OR56A1: variants seen among roughly 807,000 people sequenced by gnomAD.
OR56A1 encodes olfactory receptor 56A1.
For synonymous variants in OR56A1, 174 were observed against 159.1 expected (o/e 1.09, Z -0.70); for missense variants, 360 against 380.9 (o/e 0.94, Z 0.46).
chr11:6,027,246 G>T lies in OR56A1; in HGVS notation c.447C>A (p.Val149=). 6.2e-7 allele frequency: 1 copy of T among 1,614,184 alleles called. No individual in the cohort carries two copies. Among genetic ancestry groups the T allele is most frequent in the Non-Finnish European group, 8.5e-7 (1 of 1,180,040 alleles). ...ITNQFVAKAS[V]FIVVRNALLT... ...GAAGCGCATTCCGCACCACAATGAA[G>T]ACACTAGCTTTGGCCACAAATTGAT... The change falls in exon 2 of 2, where the codon GTC becomes GTA. Residue 149 remains valine (V), a synonymous_variant. Transcript: ENST00000641900.
In OR56A1 at chr11:6,027,531, C is replaced by T. The variant is rs777077209; in HGVS notation, c.162G>A (p.Leu54=). The part of the protein sequence containing the change: ...ANTTLLITIQ[L]EASLHQPLYY... ...ACAGGGGCTGGTGCAGAGAGGCCTCCAGCTGGATGGTGATCAGGAGGGTGG... is the reference window on the plus strand; with the variant it reads ...ACAGGGGCTGGTGCAGAGAGGCCTCTAGCTGGATGGTGATCAGGAGGGTGG... The change falls in exon 2 of 2, where the codon CTG becomes CTA. Residue 54 remains leucine (L), a synonymous_variant. Transcript: ENST00000641900. The T allele has an allele frequency of 9.9e-6, 16 of 1,613,868 alleles. No homozygotes were observed. Among genetic ancestry groups the T allele is most frequent in the Middle Eastern group, 3.3e-4 (2 of 6,036 alleles).
intron 1 of OR56A1, among the ~76,000 whole-genome samples, chr11:6,030,240 T>C (rs1417315962): frequency 6.6e-6 from 1 of 152,160 alleles, no homozygotes; most frequent in African/African-American, 2.4e-5. Flanking sequence ...ATTCTCTACA[T>C]TGAAATCAAG....
Position 6,026,968 on chromosome 11 carries a change from C to T in OR56A1, c.725G>A (p.Ser242Asn), listed in dbSNP as rs1848455377. ...GAGGATGAAGTGGGAGCCACATGTG[C>T]TCAGGGCCTTCACTGCCGCCCCCTC... ...KAEGAAVKAL[S>N]TCGSHFILIL... Residue 242 changes from serine to asparagine, a missense_variant, in exon 2 of 2, where the codon AGC (serine) becomes AAC (asparagine). Ser to Asn is a conservative substitution (Grantham distance 46, BLOSUM62 1). Transcript: ENST00000641900. 1 of 1,613,964 alleles carries T rather than the reference C, an allele frequency of 6.2e-7. No homozygotes were observed. The highest frequency in any genetic ancestry group is 8.5e-7 in the Non-Finnish European group (1 of 1,179,958).
chr11:6,027,063 C>A lies in OR56A1; in HGVS notation c.630G>T (p.Leu210=), dbSNP rs201778477. Residue 210 remains leucine (L), a synonymous_variant, in exon 2 of 2, where the codon CTG becomes CTT. Coordinates refer to ENST00000641900, the MANE Select transcript of OR56A1 (RefSeq NM_001388488.1). ...GGAAGATGAGGAATAAATCTGAGCC[C>A]AGCAAGGTCCAACCAGCCACAAATT... The part of the protein sequence containing the change: ...IYQFVAGWTL[L]GSDLFLIFLS... 1.4e-5 allele frequency: 22 copies of A among 1,614,164 alleles called. No individual in the cohort carries two copies. The East Asian group carries it at 4.9e-4, about 36-fold the overall frequency.
Position 6,023,629 on chromosome 11 carries a change from T to C in OR56A1, c.*3119A>G, listed in dbSNP as rs1848418368. ...ACCTTTGGAAAGCTACTCCTGTCTC[T>C]CTTCTCATGTTCTGAATGCACCCTC... On this transcript the variant is annotated 3_prime_UTR_variant, in exon 2 of 2. Transcript: ENST00000641900. 1 of 152,182 alleles carries C rather than the reference T, an allele frequency of 6.6e-6. No individual in the cohort carries two copies. Among genetic ancestry groups the C allele is most frequent in the Non-Finnish European group, 1.5e-5 (1 of 68,016 alleles). 9.4% of individuals were successfully genotyped at this position (152,182 alleles called of 1,614,324 possible). A position where few individuals can be genotyped will look rare whatever the true frequency, so the allele number is the denominator to read the frequency against.
chr11:6,028,258 C>T (rs895374779), intron 1 of OR56A1, among the ~76,000 whole-genome samples: 27 of 151,370 alleles, frequency 1.8e-4, no homozygotes. Flanking sequence ...ATTCATTTCC[C>T]ACAACCTGAG....
chr11:6,030,410 A>G (rs1247102221), intron 1 of OR56A1, among the ~76,000 whole-genome samples: 2 of 152,086 alleles, frequency 1.3e-5, no homozygotes, highest in African/African-American at 2.4e-5. Flanking sequence ...TATCATCACT[A>G]TATAAACAGG....
Position 6,026,541 on chromosome 11 carries a change from A to C in OR56A1, c.*207T>G. ...CTTAAATGTAACTGCCAAGGTTCAA[A>C]GCAGCCACTCAATAAATACGAGTTT... is the stretch of plus-strand genomic sequence containing the variant. On this transcript the variant is annotated 3_prime_UTR_variant, in exon 2 of 2. Transcript: ENST00000641900. 1 of 520,508 alleles carries C rather than the reference A, an allele frequency of 1.9e-6. No homozygotes were observed. The highest frequency in any genetic ancestry group is 3.4e-6 in the Non-Finnish European group (1 of 297,718). 32.2% of individuals were successfully genotyped at this position (520,508 alleles called of 1,614,324 possible). A position where few individuals can be genotyped will look rare whatever the true frequency, so the allele number is the denominator to read the frequency against.
At chr11:6,028,088 C>A (rs35627191) in intron 1 of OR56A1, among the ~76,000 whole-genome samples, 40,531 of 151,858 alleles carry the variant, frequency 0.27, 6,787 homozygotes, top group East Asian at 0.68. Flanking sequence ...AGAAAAATAG[C>A]TTTAATTAGG....
chr11:6,027,028 G>C lies in OR56A1; in HGVS notation c.665C>G (p.Thr222Ser), dbSNP rs772462264. Residue 222 changes from threonine to serine, a missense_variant, in exon 2 of 2, where the codon ACC (threonine) becomes AGC (serine). By Grantham distance (58) the Thr-to-Ser change is moderately conservative. Coordinates refer to ENST00000641900, the MANE Select transcript of OR56A1 (RefSeq NM_001388488.1). ...TCTAAGCACAGCTCTTAGAATGAAG[G>C]TGTAAGAGAGGAAGATGAGGAATAA... is the stretch of plus-strand genomic sequence containing the variant. ...SDLFLIFLSY[T>S]FILRAVLRFK... The C allele has an allele frequency of 6.2e-7, 1 of 1,614,124 alleles. No individual in the cohort carries two copies. Among genetic ancestry groups the C allele is most frequent in the Non-Finnish European group, 8.5e-7 (1 of 1,179,968 alleles).
At chr11:6,029,071 T>A (rs1481036510) in intron 1 of OR56A1, among the ~76,000 whole-genome samples, 1 of 152,128 alleles carries the variant, frequency 6.6e-6, no homozygotes, top group Admixed American at 6.6e-5. Flanking sequence ...CTCATAAGTA[T>A]GTGTTCAAAA....
chr11:6,020,471 T>G lies in OR56A1; in HGVS notation c.*6277A>C, dbSNP rs1235185197. The G allele has an allele frequency of 6.6e-6, 1 of 152,100 alleles. No homozygotes were observed. Among genetic ancestry groups the G allele is most frequent in the Non-Finnish European group, 1.5e-5 (1 of 67,964 alleles). The allele number at this position is 152,100 out of a possible 1,614,324, so 9.4% of individuals were successfully genotyped here. Reference sequence around the variant, plus strand: ...GGATGTCTGTCCATTAGTTTGTATCTCCTCTGATTTCTTTGAGCAGTGTTT... The same window carrying G: ...GGATGTCTGTCCATTAGTTTGTATCGCCTCTGATTTCTTTGAGCAGTGTTT... On this transcript the variant is annotated 3_prime_UTR_variant, in exon 2 of 2. Transcript: ENST00000641900.
upstream of OR56A1, among the ~76,000 whole-genome samples, chr11:6,033,227 A>G (rs1848529032): frequency 6.6e-6 from 1 of 152,016 alleles, no homozygotes; most frequent in Non-Finnish European, 1.5e-5. Flanking sequence ...TCACTACTGA[A>G]CATTGGAAAA....
chr11:6,023,785 T>C lies in OR56A1; in HGVS notation c.*2963A>G, dbSNP rs891744044. The C allele has an allele frequency of 6.6e-6, 1 of 152,212 alleles. No homozygotes were observed. The highest frequency in any genetic ancestry group is 6.5e-5 in the Admixed American group (1 of 15,286). The allele number at this position is 152,212 out of a possible 1,614,324, so 9.4% of individuals were successfully genotyped here. The stretch of plus-strand genomic sequence containing the variant: ...AATGCCTTTAATTTATACTACTTCA[T>C]TATATCCACTCAAGACAGTGCTTGA... On this transcript the variant is annotated 3_prime_UTR_variant, in exon 2 of 2. Coordinates refer to ENST00000641900, the MANE Select transcript of OR56A1 (RefSeq NM_001388488.1).
At chr11:6,029,449 C>G (rs1021398039) in intron 1 of OR56A1, among the ~76,000 whole-genome samples, 1 of 152,088 alleles carries the variant, frequency 6.6e-6, no homozygotes, top group Non-Finnish European at 1.5e-5. Context: ...ATGCACAAAC[C>G]TCTCACAAGC....
rs1157218524 is a variant in OR56A1, at chr11:6,027,493, C to G, written c.200G>C (p.Ser67Thr). 1.2e-6 allele frequency: 2 copies of G among 1,613,940 alleles called. No homozygotes were observed. Among genetic ancestry groups the G allele is most frequent in the Non-Finnish European group, 1.7e-6 (2 of 1,179,998 alleles). ...CACGATGTCCAGCAGGGAGAGGAGG[C>G]TGAGCAGGTAGTACAGGGGCTGGTG... is the stretch of plus-strand genomic sequence containing the variant. ...SLHQPLYYLL[S>T]LLSLLDIVLC... Residue 67 changes from serine (S) to threonine (T), a missense_variant, in exon 2 of 2, where the codon AGC (serine) becomes ACC (threonine). Coordinates refer to ENST00000641900, the MANE Select transcript of OR56A1 (RefSeq NM_001388488.1).
At position 6,024,573 on chromosome 11, in the gene OR56A1, TA is replaced by T. The variant is rs1848428403; in HGVS notation, c.*2174del. On this transcript the variant is annotated 3_prime_UTR_variant, in exon 2 of 2. Coordinates refer to ENST00000641900, the MANE Select transcript of OR56A1 (RefSeq NM_001388488.1). ...TATATTCCTATGAATTATATCCTAT[TA>T]GATTCCTTTTTAAAAACTCACTTTT... is the stretch of plus-strand genomic sequence containing the variant. 6.6e-6 allele frequency: 1 copy of T among 152,232 alleles called. No homozygotes were observed. The highest frequency in any genetic ancestry group is 1.5e-5 in the Non-Finnish European group (1 of 68,036). The allele number at this position is 152,232 out of a possible 1,614,324, so 9.4% of individuals were successfully genotyped here. A position where few individuals can be genotyped will look rare whatever the true frequency, so the allele number is the denominator to read the frequency against.
chr11:6,033,950 C>T (rs1848535616), upstream of OR56A1, among the ~76,000 whole-genome samples: 1 of 152,156 alleles, frequency 6.6e-6, no homozygotes, highest in African/African-American at 2.4e-5. Flanking sequence ...ACCCAGCATG[C>T]CTGGCTCTGC....
chr11:6,033,726 C>T (rs974694539), upstream of OR56A1, among the ~76,000 whole-genome samples: 3 of 151,708 alleles, frequency 2.0e-5, no homozygotes, highest in Non-Finnish European at 4.4e-5. Flanking sequence ...TTATGAATGG[C>T]TATTAGGGGA....
Sources: allele counts gnomAD v4.1 joint callset (sites outside exome capture counted in the v4.1 genomes callset), GRCh38; gene constraint gnomAD v4.1.1; transcripts MANE v1.5; gene names NCBI Gene and HGNC (gene_info 2026-07-23, HGNC 2026-07-21).